IGF2BP3: variants seen among roughly 807,000 people sequenced by gnomAD.
The protein encoded by IGF2BP3 is insulin-like growth factor 2 mRNA-binding protein 3.
Under a neutral mutation model 73.8 loss-of-function variants are expected in IGF2BP3, and 9 were observed. That is an observed-to-expected ratio of 0.12 (90% CI 0.07 to 0.21). The LOEUF is 0.21. Among genes scored for constraint, IGF2BP3 ranks in the 10% least tolerant of loss-of-function variants. IGF2BP3 has a pLI of 1.00. For missense variants in IGF2BP3, 542 were observed against 714.0 expected (o/e 0.76, Z 2.75); for synonymous variants, 258 against 256.7 (o/e 1.01, Z -0.05).
At chr7:23,440,812 T>A (rs190999654) in intron 2 of IGF2BP3, among the ~76,000 whole-genome samples, 6 of 152,196 alleles carry the variant, frequency 3.9e-5, no homozygotes, top group Admixed American at 3.9e-4. Flanking sequence ...TTCTAAGAGG[T>A]CCCACATCAT....
At chr7:23,338,816 T>C (rs1031780537) in intron 10 of IGF2BP3, among the ~76,000 whole-genome samples, 3 of 152,242 alleles carry the variant, frequency 2.0e-5, no homozygotes, top group African/African-American at 4.8e-5. Context: ...CTTTACAGAT[T>C]GTCAATCAAT....
chr7:23,351,500 T>A lies in IGF2BP3; in HGVS notation c.488A>T (p.Asn163Ile). 6.2e-7 allele frequency: 1 copy of A among 1,613,872 alleles called. No homozygotes were observed. The highest frequency in any genetic ancestry group is 8.5e-7 in the Non-Finnish European group (1 of 1,179,974). The change falls in exon 6 of 15, where the codon AAC (asparagine) becomes ATC (isoleucine). Residue 163 changes from asparagine to isoleucine, a missense_variant. By Grantham distance (149) the Asn-to-Ile change is moderately radical. This residue lies in a region of IGF2BP3 where 239 missense variants were observed against 241.9 expected (regional missense o/e 0.99). Transcript: ENST00000258729. ...YIPDEMAAQQ[N>I]PLQQPRGRRG... ...GCGACCTCGGGGCTGCTGCAAGGGG[T>A]TTTGCTGGGCGGCCATTTCATCAGG...
intron 2 of IGF2BP3, among the ~76,000 whole-genome samples, chr7:23,421,137 G>A (rs890473939): frequency 1.3e-5 from 2 of 152,074 alleles, no homozygotes; most frequent in East Asian, 1.9e-4. Context: ...AGCCTCCTGC[G>A]TAGCTGGGAT....
At chr7:23,413,777 CA>C (rs1473942914) in intron 3 of IGF2BP3, 1 of 152,128 alleles carries the variant, frequency 6.6e-6, no homozygotes, top group Non-Finnish European at 1.5e-5. Context: ...GTACCTCAGG[CA>C]AAACAGGATG....
At chr7:23,374,774 C>A (rs556490449) in intron 3 of IGF2BP3, among the ~76,000 whole-genome samples, 2 of 152,174 alleles carry the variant, frequency 1.3e-5, no homozygotes, top group Non-Finnish European at 2.9e-5. Context: ...CACATAGGTT[C>A]TTTTCTATAT....
chr7:23,403,201 A>C (rs1048338134), intron 3 of IGF2BP3, among the ~76,000 whole-genome samples: 3 of 152,210 alleles, frequency 2.0e-5, no homozygotes, highest in Admixed American at 2.0e-4. Context: ...TCTGCTTATC[A>C]CTAGAGAAAA....
intron 9 of IGF2BP3, among the ~76,000 whole-genome samples, chr7:23,342,430 C>A (rs1318170174): frequency 6.6e-6 from 1 of 152,144 alleles, no homozygotes; most frequent in Non-Finnish European, 1.5e-5. Flanking sequence ...ATTAAGATAT[C>A]TCAAGGGAAG....
At chr7:23,394,737 A>T (rs955336169) in intron 3 of IGF2BP3, 9 of 152,252 alleles carry the variant, frequency 5.9e-5, no homozygotes, top group Non-Finnish European at 1.2e-4. Flanking sequence ...TCAAACATTA[A>T]TTAAACAGCA....
chr7:23,322,273 T>TGCAGAAGCC (rs1784177966), intron 10 of IGF2BP3, among the ~76,000 whole-genome samples: 1 of 152,276 alleles, frequency 6.6e-6, no homozygotes, highest in Admixed American at 6.5e-5. Flanking sequence ...ACGTGAAGAA[T>TGCAGAAGCC]GCAGAAGCCT....
intron 2 of IGF2BP3, among the ~76,000 whole-genome samples, chr7:23,428,402 G>A (rs939387969): frequency 3.9e-5 from 6 of 151,920 alleles, no homozygotes; most frequent in African/African-American, 1.5e-4. Context: ...AACTCGGGAG[G>A]CGGAGGTTGT....
At chr7:23,432,171 T>C (rs1787699250) in intron 2 of IGF2BP3, among the ~76,000 whole-genome samples, 1 of 152,212 alleles carries the variant, frequency 6.6e-6, no homozygotes, top group African/African-American at 2.4e-5. Flanking sequence ...TCCATCTATG[T>C]AGAACAGAGT....
intron 2 of IGF2BP3, among the ~76,000 whole-genome samples, chr7:23,447,704 G>A (rs1411407033): frequency 2.0e-5 from 3 of 152,230 alleles, no homozygotes; most frequent in South Asian, 2.1e-4. Flanking sequence ...TGGGCATAGG[G>A]ACTCACACCA....
At chr7:23,390,730 A>C (rs957966058) in intron 3 of IGF2BP3, among the ~76,000 whole-genome samples, 6 of 152,028 alleles carry the variant, frequency 3.9e-5, no homozygotes, top group African/African-American at 1.5e-4. Flanking sequence ...TGTACAGCAT[A>C]CAACTTTCGT....
rs569884720 is a variant in IGF2BP3 at position 23,415,978 on chromosome 7, A to G, written c.285+2798T>C. Among the ~76,000 whole-genome samples, 23 of 152,328 alleles carry G rather than the reference A, an allele frequency of 1.5e-4. 1 individual carries two copies. Among genetic ancestry groups the G allele is most frequent in the Admixed American group, 1.1e-3 (17 of 15,298 alleles). The stretch of plus-strand genomic sequence containing the variant: ...GTTGTTCTTATTATATCATAGCTAA[A>G]ACATATTGTGTACTTATATGTACCA... On this transcript the variant is annotated intron_variant, in intron 3 of 14. Coordinates refer to ENST00000258729, the MANE Select transcript of IGF2BP3 (RefSeq NM_006547.3).
At chr7:23,323,764 A>T (rs1302939065) in intron 10 of IGF2BP3, among the ~76,000 whole-genome samples, 19 of 152,312 alleles carry the variant, frequency 1.2e-4, no homozygotes, top group African/African-American at 4.1e-4. Flanking sequence ...GGATTAAGAA[A>T]CTCACTCAAA....
At chr7:23,377,542 G>C (rs901025345) in intron 3 of IGF2BP3, among the ~76,000 whole-genome samples, 12 of 152,186 alleles carry the variant, frequency 7.9e-5, no homozygotes, top group Non-Finnish European at 1.2e-4. Context: ...ATGTAAAATG[G>C]TACAGCCTCT....
chr7:23,351,249 A>C, intron 6 of IGF2BP3, 56 bp downstream of exon 6: 1 of 1,591,336 alleles, frequency 6.3e-7, no homozygotes, highest in Non-Finnish European at 8.6e-7. Flanking sequence ...ACACACTGTT[A>C]CTAAGATTCC....
At chr7:23,323,114 G>C (rs553458029) in intron 10 of IGF2BP3, among the ~76,000 whole-genome samples, 87 of 152,200 alleles carry the variant, frequency 5.7e-4, no homozygotes, top group African/African-American at 2.0e-3. Flanking sequence ...CCAATTAAAA[G>C]ACACAGACTG....
intron 3 of IGF2BP3, among the ~76,000 whole-genome samples, chr7:23,395,594 T>A (rs1027018525): frequency 2.0e-5 from 3 of 151,336 alleles, no homozygotes; most frequent in Non-Finnish European, 4.4e-5. Context: ...AGACCCCATC[T>A]CTACCCCCAC....
Sources: allele counts gnomAD v4.1 joint callset (sites outside exome capture counted in the v4.1 genomes callset), GRCh38; gene constraint gnomAD v4.1.1; regional missense constraint gnomAD v4.1.1; transcripts MANE v1.5; gene names NCBI Gene and HGNC (gene_info 2026-07-23, HGNC 2026-07-21).